The following PCSK6 variants were observed in gnomAD, a reference collection of about 807,000 sequenced individuals.
The protein encoded by PCSK6 is proprotein convertase subtilisin/kexin type 6, also known as paired basic amino acid cleaving enzyme 4.
A neutral mutation model predicts 123.3 loss-of-function variants in PCSK6; 85 were observed. The ratio of observed to expected loss-of-function variants is 0.69; its 90% CI spans 0.58 to 0.83. PCSK6 has a LOEUF of 0.83. Among genes scored for constraint, PCSK6 ranks in the 40% least tolerant of loss-of-function variants. The probability of loss-of-function intolerance (pLI) is 0.00; values close to 1 mark genes in which losing one functional copy is unlikely to be tolerated. For synonymous variants in PCSK6, 508 were observed against 516.0 expected, an observed-to-expected ratio of 0.98 and a Z score of 0.21; for missense variants, 1,191 against 1,282.3, an observed-to-expected ratio of 0.93 and a Z score of 1.09.
chr15:101,378,505 C>T (rs569913729), intron 11 of PCSK6, among the ~76,000 whole-genome samples: 2 of 152,350 alleles, frequency 1.3e-5, no homozygotes, highest in East Asian at 3.9e-4. Context: ...ATGGGCCCTA[C>T]CCCGTGTGGG....
intron 5 of PCSK6, among the ~76,000 whole-genome samples, chr15:101,429,199 T>C (rs1002249171): frequency 6.6e-6 from 1 of 151,998 alleles, no homozygotes; most frequent in Non-Finnish European, 1.5e-5. Context: ...TTTAGAGGAA[T>C]GATAAGAGCT....
rs576832518 is a variant in PCSK6 at position 101,440,844 on chromosome 15, G to A, written c.402+2712C>T. Among the ~76,000 whole-genome samples the A allele has an allele frequency of 3.3e-5, 5 of 152,324 alleles. No individual in the cohort carries two copies. The South Asian group carries it at 1.0e-3, about 32-fold the overall frequency. On this transcript the variant is annotated intron_variant, in intron 2 of 21. Coordinates refer to ENST00000611716, the MANE Select transcript of PCSK6 (RefSeq NM_002570.5). ...AAGTGTTTAATTGTAATGACTGGGT[G>A]GAGTAAATATTAGTCAGACTGACAG...
chr15:101,311,561 C>T (rs563304790), intron 20 of PCSK6, among the ~76,000 whole-genome samples: 2 of 152,058 alleles, frequency 1.3e-5, no homozygotes, highest in African/African-American at 4.8e-5. Flanking sequence ...GCCAATTCAA[C>T]CTCTTTTCTT....
chr15:101,404,753 AG>A (rs1231918493), intron 6 of PCSK6, among the ~76,000 whole-genome samples: 7 of 152,180 alleles, frequency 4.6e-5, no homozygotes, highest in Non-Finnish European at 1.0e-4. Flanking sequence ...AAATGGCAGC[AG>A]GGTTCTCTTT....
intron 17 of PCSK6, 75 bp from the exon 18 acceptor site, chr15:101,322,682 C>T (rs2277594): frequency 0.028 from 26,381 of 946,836 alleles, 741 homozygotes; most frequent in East Asian, 0.11. Context: ...AGCAGGCCCC[C>T]GGCATTTCAA....
At chr15:101,325,247 T>C (rs2040224925) in intron 16 of PCSK6, among the ~76,000 whole-genome samples, 1 of 152,222 alleles carries the variant, frequency 6.6e-6, no homozygotes, top group Non-Finnish European at 1.5e-5. Context: ...CTGGGAATCC[T>C]TTCTTTTCAA....
At chr15:101,378,379 T>G (rs967665751) in intron 11 of PCSK6, among the ~76,000 whole-genome samples, 4 of 152,236 alleles carry the variant, frequency 2.6e-5, no homozygotes, top group African/African-American at 9.6e-5. Context: ...TTTCATCCAG[T>G]GCTATCCTGG....
intron 6 of PCSK6, among the ~76,000 whole-genome samples, chr15:101,409,021 C>T (rs183569288): frequency 1.3e-5 from 2 of 152,060 alleles, no homozygotes; most frequent in African/African-American, 4.8e-5. Context: ...GCACCTATAT[C>T]CGGGGGCCGG....
At chr15:101,355,003 G>A (rs994297845) in intron 13 of PCSK6, among the ~76,000 whole-genome samples, 1 of 152,218 alleles carries the variant, frequency 6.6e-6, no homozygotes, top group African/African-American at 2.4e-5. Context: ...GAACACGTAG[G>A]TGCTAATCAT....
chr15:101,395,245 C>A (rs969657255), intron 7 of PCSK6, among the ~76,000 whole-genome samples: 2 of 152,146 alleles, frequency 1.3e-5, no homozygotes, highest in African/African-American at 4.8e-5. Context: ...CAGTGCTCCC[C>A]AAACTTGAAT....
At chr15:101,340,914 T>A (rs2040587880) in intron 13 of PCSK6, among the ~76,000 whole-genome samples, 1 of 152,100 alleles carries the variant, frequency 6.6e-6, no homozygotes, top group African/African-American at 2.4e-5. Context: ...CTTATATTTT[T>A]AATTTTAAGG....
At chr15:101,480,028 T>C (rs191523579) in intron 1 of PCSK6, among the ~76,000 whole-genome samples, 28 of 152,332 alleles carry the variant, frequency 1.8e-4, no homozygotes, top group African/African-American at 6.5e-4. Context: ...ATCAGGGTGT[T>C]TGAAACCAAA....
intron 1 of PCSK6, among the ~76,000 whole-genome samples, chr15:101,463,561 AATTGTT>A (rs2057386559): frequency 6.6e-6 from 1 of 152,162 alleles, no homozygotes; most frequent in African/African-American, 2.4e-5. Context: ...CTGATAAAGT[AATTGTT>A]ACTGAAAGTG....
At chr15:101,379,269 C>A (rs995063531) in intron 11 of PCSK6, among the ~76,000 whole-genome samples, 1 of 152,334 alleles carries the variant, frequency 6.6e-6, no homozygotes, top group East Asian at 1.9e-4. Context: ...AGGTTTCCTG[C>A]CCCTGCCCGT....
intron 20 of PCSK6, chr15:101,308,686 GGGGTTGTGCACTTGTGGGAAGCCCCAT>G (rs145787525): frequency 0.14 from 21,320 of 152,306 alleles, 1,631 homozygotes; most frequent in African/African-American, 0.21. Context: ...CTTGCCAGAG[GGGGTTGTGCACTTGTGGGAAGCCCCAT>G]GGGTCTGCCC....
At chr15:101,381,933 A>G (rs1315938093) in intron 11 of PCSK6, among the ~76,000 whole-genome samples, 159 bp downstream of exon 11, 4 of 152,222 alleles carry the variant, frequency 2.6e-5, no homozygotes, top group Admixed American at 2.6e-4. Flanking sequence ...CAGCTGTACA[A>G]TCCACAAGAG....
intron 2 of PCSK6, among the ~76,000 whole-genome samples, chr15:101,442,343 C>A (rs1372566252): frequency 1.3e-5 from 2 of 152,188 alleles, no homozygotes; most frequent in Non-Finnish European, 2.9e-5. Context: ...CATCCATCCA[C>A]CCACCTATAA....
At chr15:101,369,729 G>A (rs2041517498) in intron 12 of PCSK6, among the ~76,000 whole-genome samples, 1 of 147,664 alleles carries the variant, frequency 6.8e-6, no homozygotes, top group Admixed American at 6.9e-5. Flanking sequence ...GTTTGTTAAA[G>A]AAATGACTCC....
intron 20 of PCSK6, among the ~76,000 whole-genome samples, chr15:101,310,355 G>A (rs2039827551): frequency 6.6e-6 from 1 of 152,134 alleles, no homozygotes; most frequent in Admixed American, 6.5e-5. Context: ...CTCCTGAGGG[G>A]CAAAGAGAGG....
Sources: allele counts gnomAD v4.1 joint callset (sites outside exome capture counted in the v4.1 genomes callset), GRCh38; gene constraint gnomAD v4.1.1; transcripts MANE v1.5; gene names NCBI Gene and HGNC (gene_info 2026-07-23, HGNC 2026-07-21).